The following ADGRL3 variants were observed in gnomAD, a reference collection of about 807,000 sequenced individuals.
The protein encoded by ADGRL3 is calcium-independent alpha-latrotoxin receptor 3.
ADGRL3 carries 62 observed loss-of-function variants against 153.5 expected under a neutral mutation model. The observed-to-expected ratio is 0.40, with a 90% CI of 0.33 to 0.50. The LOEUF (loss-of-function observed/expected upper bound fraction) is 0.50, where lower values mean the gene tolerates loss of function less well. ADGRL3 is among the 20% of genes least tolerant of loss of function. The pLI is 0.47. For missense variants in ADGRL3, 1,641 were observed against 1,859.4 expected (o/e 0.88, Z 2.16); for synonymous variants, 710 against 672.5 (o/e 1.06, Z -0.86).
chr4:61,744,715 A>G (rs1038038772), intron 8 of ADGRL3, among the ~76,000 whole-genome samples: 5 of 152,298 alleles, frequency 3.3e-5, no homozygotes, highest in Admixed American at 1.3e-4. Flanking sequence ...AACCATCTGT[A>G]CATCACCATC....
At chr4:61,203,968 G>A (rs1236907896) in intron 1 of ADGRL3, among the ~76,000 whole-genome samples, 1 of 151,516 alleles carries the variant, frequency 6.6e-6, no homozygotes, top group African/African-American at 2.4e-5. Context: ...GATAAACACA[G>A]TTTATAAAGT....
intron 11 of ADGRL3, among the ~76,000 whole-genome samples, chr4:61,900,510 C>A (rs574808420): frequency 6.6e-6 from 1 of 152,180 alleles, no homozygotes; most frequent in South Asian, 2.1e-4. Context: ...TGCGAATAAA[C>A]TAGCTGGAAT....
At chr4:61,742,707 G>A (rs915585185) in intron 8 of ADGRL3, among the ~76,000 whole-genome samples, 20 of 152,084 alleles carry the variant, frequency 1.3e-4, no homozygotes, top group East Asian at 5.8e-4. Flanking sequence ...CTAAATTATC[G>A]GATAATAATG....
chr4:61,548,123 G>T (rs1485424457), intron 4 of ADGRL3, among the ~76,000 whole-genome samples: 1 of 151,956 alleles, frequency 6.6e-6, no homozygotes, highest in Non-Finnish European at 1.5e-5. Flanking sequence ...ATGTTTAATG[G>T]GGTTGTTTGC....
intron 13 of ADGRL3, among the ~76,000 whole-genome samples, chr4:61,922,515 A>G (rs550705384): frequency 6.6e-6 from 1 of 152,052 alleles, no homozygotes; most frequent in African/African-American, 2.4e-5. Flanking sequence ...CAGATTTTTA[A>G]ATTTATTATC....
intron 8 of ADGRL3, among the ~76,000 whole-genome samples, chr4:61,781,505 A>T (rs1435624978): frequency 1.3e-5 from 2 of 152,170 alleles, no homozygotes; most frequent in Non-Finnish European, 2.9e-5. Context: ...TTAGTGAGTT[A>T]GGGTGAGTAG....
chr4:61,758,476 G>A (rs1276085437), intron 8 of ADGRL3, among the ~76,000 whole-genome samples: 2 of 152,110 alleles, frequency 1.3e-5, no homozygotes, highest in Non-Finnish European at 2.9e-5. Flanking sequence ...TTTAAAGTCT[G>A]TTTTATCAGA....
At chr4:61,862,197 T>C (rs1239174981) in intron 9 of ADGRL3, among the ~76,000 whole-genome samples, 2 of 152,214 alleles carry the variant, frequency 1.3e-5, no homozygotes, top group Non-Finnish European at 2.9e-5. Context: ...GACATGGGTC[T>C]TTCCATTTTA....
At chr4:61,901,408 T>C (rs1380350976) in intron 11 of ADGRL3, among the ~76,000 whole-genome samples, 4 of 152,222 alleles carry the variant, frequency 2.6e-5, no homozygotes, top group Non-Finnish European at 5.9e-5. Context: ...AGAAACTAGG[T>C]TGAATCCTGT....
Position 62,044,554 on chromosome 4 carries a change from T to C in ADGRL3, c.3814+5T>C. On this transcript the variant is annotated splice_donor_5th_base_variant and intron_variant, in intron 25 of 26. Transcript: ENST00000683033. ...GTTCAGCGTCACTCAACAGAGGTAATTAGAAATAATTTTTCATATTTATTA... is the reference window on the plus strand; with the variant it reads ...GTTCAGCGTCACTCAACAGAGGTAACTAGAAATAATTTTTCATATTTATTA... The C allele has an allele frequency of 6.5e-7, 1 of 1,539,642 alleles. No homozygotes were observed. The highest frequency in any genetic ancestry group is 1.2e-5 in the South Asian group (1 of 82,810).
At chr4:61,641,748 C>A (rs1006920689) in intron 5 of ADGRL3, among the ~76,000 whole-genome samples, 4 of 151,450 alleles carry the variant, frequency 2.6e-5, no homozygotes, top group Non-Finnish European at 4.4e-5. Flanking sequence ...AATAAACATA[C>A]GTGTGCATGT....
chr4:61,248,403 CT>C (rs1357042755), intron 1 of ADGRL3, among the ~76,000 whole-genome samples: 1 of 152,130 alleles, frequency 6.6e-6, no homozygotes, highest in Non-Finnish European at 1.5e-5. Context: ...TTTATTTTCA[CT>C]GCCTCAGTCA....
At chr4:61,623,586 G>A (rs1011584854) in intron 5 of ADGRL3, among the ~76,000 whole-genome samples, 1 of 152,046 alleles carries the variant, frequency 6.6e-6, no homozygotes, top group African/African-American at 2.4e-5. Context: ...AACTGATTCA[G>A]TCTCTCCCAT....
At chr4:62,056,538 G>A (rs1737109953) in intron 25 of ADGRL3, among the ~76,000 whole-genome samples, 1 of 151,942 alleles carries the variant, frequency 6.6e-6, no homozygotes, top group Non-Finnish European at 1.5e-5. Context: ...TCATCTCCCT[G>A]TGAAAGATCC....
At position 61,892,698 on chromosome 4, in the gene ADGRL3, C is replaced by A. The variant is rs760206905; in HGVS notation, c.1523C>A (p.Thr508Asn). 9 of 1,613,948 alleles carry A rather than the reference C, an allele frequency of 5.6e-6. No individual in the cohort carries two copies. In the South Asian group the frequency reaches 9.9e-5, roughly 18 times the overall value. The change falls in exon 10 of 27, where the codon ACC becomes AAC. Residue 508 changes from threonine to asparagine, a missense_variant. Around this residue, in one of 5 missense-constraint regions of ADGRL3, gnomAD observed 734 missense variants for 797.0 expected, o/e 0.92. Transcript: ENST00000683033. ...TGPLGMGSTTTSTTLRTTTLS... is the reference protein window; with the variant it reads ...TGPLGMGSTTNSTTLRTTTLS... ...CCTCTTGGCATGGGAAGCACTACCA[C>A]CAGTACCACCCTTCGGACCACAACT...
chr4:61,415,711 TCTC>T (rs2097137288), intron 2 of ADGRL3, among the ~76,000 whole-genome samples: 1 of 152,098 alleles, frequency 6.6e-6, no homozygotes, highest in Non-Finnish European at 1.5e-5. Context: ...TTTTTTGTTT[TCTC>T]CTCTTCTACC....
chr4:61,625,644 T>C (rs2092788316), intron 5 of ADGRL3, among the ~76,000 whole-genome samples: 1 of 151,950 alleles, frequency 6.6e-6, no homozygotes, highest in South Asian at 2.1e-4. Flanking sequence ...TAATGAGAGG[T>C]CAGACAAATA....
chr4:61,324,684 G>A lies in ADGRL3; in HGVS notation c.-239-58440G>A, dbSNP rs141069379. ...CTTCTGCTCAACAAGCAAATAGGAAGCAACAAAATGTTATATCTTACATTG... is the reference window on the plus strand; with the variant it reads ...CTTCTGCTCAACAAGCAAATAGGAAACAACAAAATGTTATATCTTACATTG... On this transcript the variant is annotated intron_variant, in intron 1 of 26. Coordinates refer to ENST00000683033, the MANE Select transcript of ADGRL3 (RefSeq NM_001387552.1). Among the ~76,000 whole-genome samples the A allele has an allele frequency of 7.8e-3, 1,185 of 152,132 alleles. 8 individuals carry two copies. Among genetic ancestry groups the A allele is most frequent in the Non-Finnish European group, 0.013 (872 of 67,984 alleles).
At chr4:61,412,189 T>A (rs532803818) in intron 2 of ADGRL3, among the ~76,000 whole-genome samples, 1 of 152,122 alleles carries the variant, frequency 6.6e-6, no homozygotes, top group Non-Finnish European at 1.5e-5. Flanking sequence ...CAAGTCTTCC[T>A]CCCATCTCAG....
Sources: gnomAD v4.1 joint callset for allele counts (sites outside exome capture counted in the v4.1 genomes callset) on GRCh38, gnomAD v4.1.1 for gene constraint, gnomAD v4.1.1 regional missense constraint, MANE v1.5 for transcripts, NCBI Gene and HGNC (gene_info 2026-07-23, HGNC 2026-07-21) for gene names.